SSBP3: variants seen among roughly 807,000 people sequenced by gnomAD.
SSBP3 encodes single-stranded DNA-binding protein 3.
A neutral mutation model predicts 69.6 loss-of-function variants in SSBP3; 5 were observed. That is an observed-to-expected ratio of 0.07 (90% CI 0.04 to 0.15). The LOEUF (loss-of-function observed/expected upper bound fraction) is 0.15, where lower values mean the gene tolerates loss of function less well. Ranked by LOEUF, SSBP3 falls within the 10% of genes least tolerant of loss-of-function variation. SSBP3 has a pLI of 1.00. For missense variants in SSBP3, 312 were observed against 534.0 expected (o/e 0.58, Z 4.10); for synonymous variants, 196 against 193.4 (o/e 1.01, Z -0.11).
At chr1:54,319,814 A>T (rs1322756784) in intron 4 of SSBP3, among the ~76,000 whole-genome samples, 2 of 152,148 alleles carry the variant, frequency 1.3e-5, no homozygotes, top group African/African-American at 2.4e-5. Context: ...TTTCCAGAAA[A>T]TTTGTATTAT....
In SSBP3 at chr1:54,367,893, T is replaced by C. The variant is rs537295948; in HGVS notation, c.276+33968A>G. ...ATTACTATTTACATTATGAGAAAGC[T>C]GAAAAGAATCTTAATGCAAAAGAAT... On this transcript the variant is annotated intron_variant, in intron 4 of 17. Transcript: ENST00000610401. Among the ~76,000 whole-genome samples, 10 of 152,290 alleles carry C rather than the reference T, an allele frequency of 6.6e-5. No homozygotes were observed. In the South Asian group the frequency reaches 2.1e-3, roughly 32 times the overall value.
At chr1:54,292,537 A>G (rs1179419084) in intron 4 of SSBP3, among the ~76,000 whole-genome samples, 1 of 152,072 alleles carries the variant, frequency 6.6e-6, no homozygotes, top group Non-Finnish European at 1.5e-5. Context: ...CTGTGTTGTG[A>G]GCGAGGCCCT....
Position 54,380,205 on chromosome 1 carries a change from G to A in SSBP3, c.276+21656C>T, listed in dbSNP as rs114155106. On this transcript the variant is annotated intron_variant, in intron 4 of 17. Coordinates refer to ENST00000610401, the Ensembl canonical transcript of SSBP3. ...GGGCAGACCCTCCCCGCAGAGCAGC[G>A]GACGCCACTGTTCCAGGGGGATTGA... is the stretch of plus-strand genomic sequence containing the variant. 3.5e-3 allele frequency among the ~76,000 whole-genome samples: 532 copies of A among 152,300 alleles called. 2 individuals carry two copies. The highest frequency in any genetic ancestry group is 0.012 in the African/African-American group (493 of 41,558).
At chr1:54,261,332 C>T (rs1042005635) in intron 5 of SSBP3, among the ~76,000 whole-genome samples, 2 of 152,224 alleles carry the variant, frequency 1.3e-5, no homozygotes, top group Non-Finnish European at 2.9e-5. Flanking sequence ...AGCCTGCATT[C>T]TCAACAAGAG....
intron 4 of SSBP3, among the ~76,000 whole-genome samples, chr1:54,352,290 T>C (rs1329284406): frequency 2.0e-5 from 3 of 152,074 alleles, no homozygotes; most frequent in Middle Eastern, 3.4e-3. Context: ...GGAAGCTTGA[T>C]AGAACTGATT....
intron 3 of SSBP3, 55 bp downstream of exon 3, chr1:54,404,521 G>A: frequency 6.3e-7 from 1 of 1,599,498 alleles, no homozygotes; most frequent in Non-Finnish European, 8.6e-7. Context: ...TGTTCACTTG[G>A]ACCCAGGGCT....
chr1:54,240,116 G>A (rs1317308375), intron 13 of SSBP3, among the ~76,000 whole-genome samples: 40 of 11,230 alleles, frequency 3.6e-3, no homozygotes, highest in South Asian at 0.025. Flanking sequence ...GTGCGCGCGC[G>A]CGCGCAACAC....
Position 54,268,523 on chromosome 1 carries a change from G to T in SSBP3, c.367-10374C>A, listed in dbSNP as rs1484805179. Reference sequence around the variant, plus strand: ...GATTCGTCATATCCAACTAGGAAGGGGGGCTGCAAAGCCTTGGAAACCACA... The same window carrying T: ...GATTCGTCATATCCAACTAGGAAGGTGGGCTGCAAAGCCTTGGAAACCACA... On this transcript the variant is annotated intron_variant, in intron 5 of 17. Transcript: ENST00000610401. Among the ~76,000 whole-genome samples, 5 of 152,194 alleles carry T rather than the reference G, an allele frequency of 3.3e-5. No individual in the cohort carries two copies. The East Asian group carries it at 9.6e-4, about 29-fold the overall frequency.
chr1:54,257,251 T>C, intron 6 of SSBP3, 65 bp from the exon 7 acceptor site: 1 of 1,395,600 alleles, frequency 7.2e-7, no homozygotes, highest in Non-Finnish European at 9.7e-7. Flanking sequence ...ACACAAATGC[T>C]CTCCACTCCA....
intron 4 of SSBP3, among the ~76,000 whole-genome samples, chr1:54,372,359 T>G (rs1647149342): frequency 6.6e-6 from 1 of 152,144 alleles, no homozygotes; most frequent in African/African-American, 2.4e-5. Context: ...GACAAAGATC[T>G]GCACCTGCCT....
Position 54,401,738 on chromosome 1 carries a change from C to CA in SSBP3, c.276+122dup, listed in dbSNP as rs560748399. On this transcript the variant is annotated intron_variant, in intron 4 of 17. Coordinates refer to ENST00000610401, the Ensembl canonical transcript of SSBP3. The stretch of plus-strand genomic sequence containing the variant: ...GGCTGCAGAGAGGTGGGCAGGGGAA[C>CA]AGAAAGAAACGCAAGAAGCAAATAA... 97 of 748,686 alleles carry CA rather than the reference C, an allele frequency of 1.3e-4. No homozygotes were observed. In the South Asian group the frequency reaches 1.8e-3, roughly 14 times the overall value. 46.4% of individuals were successfully genotyped at this position (748,686 alleles called of 1,614,324 possible). A position where few individuals can be genotyped will look rare whatever the true frequency, so the allele number is the denominator to read the frequency against.
At chr1:54,238,845 T>C in intron 14 of SSBP3, 1 of 406,254 alleles carries the variant, frequency 2.5e-6, no homozygotes, top group Non-Finnish European at 4.8e-6. Context: ...GCATGGCGCT[T>C]CCCCCACCAG....
chr1:54,404,849 C>T lies in SSBP3; in HGVS notation c.129+9G>A. The T allele has an allele frequency of 5.0e-6, 8 of 1,589,424 alleles. No homozygotes were observed. Among genetic ancestry groups the T allele is most frequent in the East Asian group, 2.2e-5 (1 of 44,636 alleles). ...CAAGAAATTGGATGCTGGGGGGAGT[C>T]CCACTCACCTCCGATAAGAAGGTCT... On this transcript the variant is annotated intron_variant, in intron 2 of 17. Transcript: ENST00000610401.
At chr1:54,379,114 G>C (rs746724979) in intron 4 of SSBP3, among the ~76,000 whole-genome samples, 19 of 152,220 alleles carry the variant, frequency 1.2e-4, no homozygotes, top group Non-Finnish European at 2.5e-4. Flanking sequence ...ACCCTGAAGA[G>C]AGACAAAGAA....
intron 4 of SSBP3, among the ~76,000 whole-genome samples, chr1:54,316,749 C>T (rs1646122223): frequency 6.6e-6 from 1 of 151,236 alleles, no homozygotes; most frequent in African/African-American, 2.4e-5. Context: ...TTAGTCTGTT[C>T]TTGCTACTAT....
chr1:54,404,960 G>A (rs367849049), intron 1 of SSBP3, 30 bp from the exon 2 acceptor site: 2 of 1,597,768 alleles, frequency 1.3e-6, no homozygotes, highest in African/African-American at 2.7e-5. Context: ...CAAAGAGAGA[G>A]AGGGAAAGGC....
intron 4 of SSBP3, among the ~76,000 whole-genome samples, chr1:54,303,121 C>T (rs1237561614): frequency 6.6e-6 from 1 of 152,218 alleles, no homozygotes; most frequent in Non-Finnish European, 1.5e-5. Flanking sequence ...GCACACCGCG[C>T]TAATTACACA....
intron 4 of SSBP3, among the ~76,000 whole-genome samples, chr1:54,389,540 G>T (rs948628010): frequency 1.8e-4 from 27 of 151,830 alleles, no homozygotes; most frequent in African/African-American, 6.3e-4. Flanking sequence ...TGGGCAGGGG[G>T]TCATCAATTA....
chr1:54,365,821 A>G (rs745957554), intron 4 of SSBP3, among the ~76,000 whole-genome samples: 1 of 152,212 alleles, frequency 6.6e-6, no homozygotes, highest in Non-Finnish European at 1.5e-5. Context: ...GGTGGGCTGC[A>G]CAACCTAACT....
Sources: gnomAD v4.1 joint callset for allele counts (sites outside exome capture counted in the v4.1 genomes callset) on GRCh38, gnomAD v4.1.1 for gene constraint, MANE v1.5 for transcripts, NCBI Gene and HGNC (gene_info 2026-07-23, HGNC 2026-07-21) for gene names.